SRGAP2B: variants seen among roughly 807,000 people sequenced by gnomAD.
The protein encoded by SRGAP2B is SLIT-ROBO Rho GTPase-activating protein 2B.
SRGAP2B carries 9 observed loss-of-function variants against 22.2 expected under a neutral mutation model. That is an observed-to-expected ratio of 0.41 (90% CI 0.24 to 0.71). The LOEUF is 0.71. Among genes scored for constraint, SRGAP2B ranks in the 30% least tolerant of loss-of-function variants. The pLI is 0.35. For missense variants in SRGAP2B, 114 were observed against 235.8 expected (o/e 0.48, Z 3.38); for synonymous variants, 36 against 87.4 (o/e 0.41, Z 3.28).
intron 4 of SRGAP2B, among the ~76,000 whole-genome samples, chr1:144,924,525 G>A (rs1664504106): frequency 6.7e-6 from 1 of 150,332 alleles, no homozygotes; most frequent in Non-Finnish European, 1.5e-5. Context: ...CGGATCACGA[G>A]GTCAGGAGAT....
intron 4 of SRGAP2B, among the ~76,000 whole-genome samples, chr1:144,943,530 G>A (rs1171944118): frequency 2.0e-5 from 3 of 149,076 alleles, no homozygotes; most frequent in African/African-American, 7.6e-5. Context: ...AAAAGGAAGG[G>A]AGGGAGGAAA....
At chr1:144,928,313 C>T (rs2101817252) in intron 4 of SRGAP2B, among the ~76,000 whole-genome samples, 1 of 142,866 alleles carries the variant, frequency 7.0e-6, no homozygotes, top group East Asian at 2.0e-4. Context: ...GGACATGACA[C>T]ATTTTGTTTA....
chr1:145,076,620 G>A (rs1200523905), intron 2 of SRGAP2B, among the ~76,000 whole-genome samples: 1 of 145,758 alleles, frequency 6.9e-6, no homozygotes, highest in East Asian at 2.0e-4. Flanking sequence ...TATAAACATG[G>A]ACAAGAGATT....
At position 144,966,665 on chromosome 1, in the gene SRGAP2B, C is replaced by T. The variant is rs1180819091; in HGVS notation, c.261-11064G>A. 7.3e-4 allele frequency among the ~76,000 whole-genome samples: 107 copies of T among 146,622 alleles called. 4 individuals are homozygous for T. Among genetic ancestry groups the T allele is most frequent in the Non-Finnish European group, 1.2e-3 (79 of 67,958 alleles). On this transcript the variant is annotated intron_variant, in intron 3 of 9. Transcript: ENST00000612199. ...AATATTAACCTTAAATGTAAATGGG[C>T]TAAATGCTCCAATTAAAAGACACAG...
At chr1:144,974,861 A>AGATGCTGATGCT (rs372772776) in intron 3 of SRGAP2B, among the ~76,000 whole-genome samples, 4,531 of 148,350 alleles carry the variant, frequency 0.031, 345 homozygotes, top group African/African-American at 0.11. Context: ...ACAGCTGAGC[A>AGATGCTGATGCT]GATGCTGATG....
At chr1:144,942,339 C>T in intron 4 of SRGAP2B, among the ~76,000 whole-genome samples, 1 of 149,864 alleles carries the variant, frequency 6.7e-6, no homozygotes, top group Non-Finnish European at 1.5e-5. Context: ...TACGTTTTTA[C>T]AAACTACTAT....
chr1:144,984,073 C>T (rs1553615429), intron 3 of SRGAP2B, among the ~76,000 whole-genome samples: 1 of 150,702 alleles, frequency 6.6e-6, no homozygotes, highest in Non-Finnish European at 1.5e-5. Context: ...GTAATCCCAG[C>T]ACTTTGGGAG....
chr1:144,971,799 G>C (rs1668546181), intron 3 of SRGAP2B, among the ~76,000 whole-genome samples: 11 of 150,904 alleles, frequency 7.3e-5, no homozygotes, highest in Admixed American at 7.2e-4. Flanking sequence ...GACCAAGCCT[G>C]TCATTGTCTG....
chr1:145,009,618 C>G (rs1195814728), intron 2 of SRGAP2B, among the ~76,000 whole-genome samples: 1 of 148,338 alleles, frequency 6.7e-6, no homozygotes, highest in African/African-American at 2.5e-5. Flanking sequence ...TGGCCCTGAG[C>G]TGATGATTAT....
At chr1:145,007,864 T>C (rs1269869406) in intron 2 of SRGAP2B, among the ~76,000 whole-genome samples, 30 of 103,018 alleles carry the variant, frequency 2.9e-4, no homozygotes, top group African/African-American at 1.3e-3. Flanking sequence ...TGGAGTGCAA[T>C]AGAGCAATCT....
intron 2 of SRGAP2B, among the ~76,000 whole-genome samples, chr1:145,020,087 GC>G (rs1464045353): frequency 2.0e-5 from 3 of 146,916 alleles, no homozygotes; most frequent in African/African-American, 7.8e-5. Context: ...ATTCCATGAG[GC>G]CTCATCTAAA....
chr1:144,943,374 G>A (rs1308501192), intron 4 of SRGAP2B, among the ~76,000 whole-genome samples: 1 of 151,640 alleles, frequency 6.6e-6, no homozygotes, highest in African/African-American at 2.4e-5. Flanking sequence ...AAATGTAAAG[G>A]AGAAGGTCTT....
At chr1:144,950,781 T>C (rs1627832) in intron 4 of SRGAP2B, among the ~76,000 whole-genome samples, 3,188 of 150,384 alleles carry the variant, frequency 0.021, 212 homozygotes, top group African/African-American at 0.073. Flanking sequence ...TAGATGAAAA[T>C]GTTGGATTCT....
In SRGAP2B at chr1:144,955,566, C is replaced by T. The variant is rs1553610142; in HGVS notation, c.296G>A (p.Trp99Ter). Residue 99 changes from tryptophan (W) to a stop codon, truncating the protein, a stop_gained, in exon 4 of 10, where the codon TGG becomes TAG. Coordinates refer to ENST00000612199, the Ensembl canonical transcript of SRGAP2B. LOFTEE classifies it high-confidence loss of function. ...CTTCACCTGGTTTAAGAGGAGATTC[C>T]AGCAGTTGACTGGAGAGAGAACATT... 4.4e-6 allele frequency: 4 copies of T among 917,086 alleles called. No individual in the cohort carries two copies. Among genetic ancestry groups the T allele is most frequent in the Non-Finnish European group, 7.0e-6 (4 of 571,108 alleles). 56.8% of individuals were successfully genotyped at this position (917,086 alleles called of 1,614,324 possible). A position where few individuals can be genotyped will look rare whatever the true frequency, so the allele number is the denominator to read the frequency against.
intron 3 of SRGAP2B, among the ~76,000 whole-genome samples, chr1:144,971,131 C>CT (rs60651899): frequency 1.4e-3 from 195 of 140,854 alleles, no homozygotes; most frequent in Middle Eastern, 3.8e-3. Flanking sequence ...GGAACACTTC[C>CT]TTTTTTTTTT....
intron 2 of SRGAP2B, among the ~76,000 whole-genome samples, chr1:145,017,804 C>A (rs1472022939): frequency 6.7e-6 from 1 of 150,092 alleles, no homozygotes; most frequent in Non-Finnish European, 1.5e-5. Flanking sequence ...TCCAACAAAG[C>A]CTCAGAGTTA....
intron 3 of SRGAP2B, among the ~76,000 whole-genome samples, chr1:144,976,364 A>AAT (rs1328261968): frequency 1.4e-5 from 2 of 142,602 alleles, no homozygotes; most frequent in Admixed American, 6.9e-5. Context: ...CATAGGCTTT[A>AAT]ATATATATAA....
At chr1:144,969,895 A>G (rs1324594402) in intron 3 of SRGAP2B, among the ~76,000 whole-genome samples, 7 of 150,968 alleles carry the variant, frequency 4.6e-5, no homozygotes, top group African/African-American at 9.9e-5. Flanking sequence ...ACATGAAAAA[A>G]TGCTCATCAT....
At chr1:144,930,489 G>A (rs1665083329) in intron 4 of SRGAP2B, among the ~76,000 whole-genome samples, 1 of 139,088 alleles carries the variant, frequency 7.2e-6, no homozygotes. Context: ...TAATCTCAGA[G>A]ATCCTCTGGT....
Sources: allele counts gnomAD v4.1 joint callset (sites outside exome capture counted in the v4.1 genomes callset), GRCh38; gene constraint gnomAD v4.1.1; transcripts MANE v1.5; gene names NCBI Gene and HGNC (gene_info 2026-07-23, HGNC 2026-07-21).